The following PIK3C2B variants were observed in gnomAD, a reference collection of about 807,000 sequenced individuals.
PIK3C2B encodes the protein phosphatidylinositol 4-phosphate 3-kinase C2 domain-containing subunit beta.
In PIK3C2B, 83 loss-of-function variants were observed where a neutral mutation model predicts 184.3. That is an observed-to-expected ratio of 0.45 (90% CI 0.38 to 0.54). The LOEUF (loss-of-function observed/expected upper bound fraction) is 0.54, where lower values mean the gene tolerates loss of function less well. PIK3C2B is among the 20% of genes least tolerant of loss of function. The pLI is 0.00. For synonymous variants in PIK3C2B, 779 were observed against 837.6 expected (o/e 0.93, Z 1.21); for missense variants, 1,736 against 2,113.5 (o/e 0.82, Z 3.50).
At chr1:204,475,807 C>A (rs1656662337) in intron 1 of PIK3C2B, among the ~76,000 whole-genome samples, 1 of 152,178 alleles carries the variant, frequency 6.6e-6, no homozygotes, top group South Asian at 2.1e-4. Flanking sequence ...GAAAGGCGAG[C>A]TACCCCTCTC....
chr1:204,444,375 G>A lies in PIK3C2B; in HGVS notation c.2728C>T (p.Leu910Phe), dbSNP rs1382575257. Residue 910 changes from leucine (L) to phenylalanine (F), a missense_variant, in exon 17 of 33, where the codon CTC (leucine) becomes TTC (phenylalanine). Coordinates refer to ENST00000684373, the MANE Select transcript of PIK3C2B (RefSeq NM_001377334.1). The stretch of plus-strand genomic sequence containing the variant: ...TAGTCTAGCAGCTCAGCATCTGAGA[G>A]TGAGCCAATCCACTGCACAGCCATA... ...RRMAVQWIGSLSDAELLDYLP... is the reference protein window; with the variant it reads ...RRMAVQWIGSFSDAELLDYLP... 5 of 1,614,090 alleles carry A rather than the reference G, an allele frequency of 3.1e-6. No individual in the cohort carries two copies. The highest frequency in any genetic ancestry group is 1.1e-5 in the South Asian group (1 of 91,084).
intron 1 of PIK3C2B, among the ~76,000 whole-genome samples, chr1:204,471,868 A>T (rs1482677681): frequency 6.6e-6 from 1 of 152,218 alleles, no homozygotes; most frequent in Non-Finnish European, 1.5e-5. Flanking sequence ...TTGCACTAGG[A>T]TCCTCCCAAA....
chr1:204,485,366 A>C (rs911314397), intron 1 of PIK3C2B, among the ~76,000 whole-genome samples: 1 of 152,130 alleles, frequency 6.6e-6, no homozygotes, highest in Non-Finnish European at 1.5e-5. Flanking sequence ...AAAATTTGTT[A>C]TTCCTTTCTT....
At chr1:204,428,258 G>C (rs1357109140) in intron 29 of PIK3C2B, 38 bp from the exon 30 acceptor site, 1 of 1,259,596 alleles carries the variant, frequency 7.9e-7, no homozygotes, top group Admixed American at 1.7e-5. Context: ...TCTTCAATAA[G>C]ACAATGGCCC....
At chr1:204,455,170 G>A (rs958031902) in intron 11 of PIK3C2B, among the ~76,000 whole-genome samples, 6 of 152,364 alleles carry the variant, frequency 3.9e-5, no homozygotes, top group African/African-American at 9.6e-5. Flanking sequence ...GACATATGCC[G>A]ACATGAATGC....
chr1:204,439,161 A>G lies in PIK3C2B; in HGVS notation c.3380-90T>C, dbSNP rs148321986. On this transcript the variant is annotated intron_variant, in intron 22 of 32. Transcript: ENST00000684373. Reference sequence around the variant, plus strand: ...ACAAGGACTGTGCTCATGCTTCCCTATAAATTAAGCTGTAAGGCATTTGGA... The same window carrying G: ...ACAAGGACTGTGCTCATGCTTCCCTGTAAATTAAGCTGTAAGGCATTTGGA... 2,255 of 1,342,214 alleles carry G rather than the reference A, an allele frequency of 1.7e-3. 15 individuals are homozygous for G. Among genetic ancestry groups the G allele is most frequent in the South Asian group, 0.014 (1,081 of 77,046 alleles). 83.1% of individuals were successfully genotyped at this position (1,342,214 alleles called of 1,614,324 possible).
rs1349502822 is a variant in PIK3C2B, at chr1:204,443,596, A to G, written c.2869T>C (p.Leu957=). Residue 957 remains leucine, a splice_region_variant and synonymous_variant, in exon 19 of 33, where the codon TTA becomes CTA. Transcript: ENST00000684373. ...GAGTCCTTGAGGCCGTCCTTCAGTA[A>G]CCTGCAAGGCAGAGGGAGTCAGGAG... ...DLRVTHYFFW[L]LKDGLKDSQF... is the part of the protein sequence containing the mutation. 1.2e-6 allele frequency: 2 copies of G among 1,614,002 alleles called. No homozygotes were observed. The highest frequency in any genetic ancestry group is 2.2e-5 in the South Asian group (2 of 91,084).
rs138231619 is a variant in PIK3C2B at position 204,469,108 on chromosome 1, T to C, written c.695A>G (p.Asn232Ser). The C allele has an allele frequency of 7.6e-4, 1,221 of 1,609,652 alleles. 1 individual carries two copies. The highest frequency in any genetic ancestry group is 9.7e-4 in the Non-Finnish European group (1,144 of 1,175,988). Residue 232 changes from asparagine to serine, a missense_variant, in exon 2 of 33, where the codon AAT (asparagine) becomes AGT (serine). This residue lies in a region of PIK3C2B where 404 missense variants were observed against 418.0 expected (regional missense o/e 0.97). Transcript: ENST00000684373. ...LLGSVDYDGINDAITRLNLKS... is the reference protein window; with the variant it reads ...LLGSVDYDGISDAITRLNLKS... ...CAAGTTGAGCCTAGTAATTGCATCA[T>C]TGATACCATCATAGTCCACAGACCC...
At chr1:204,457,112 G>A in intron 9 of PIK3C2B, 42 bp from the exon 10 acceptor site, 3 of 1,537,970 alleles carry the variant, frequency 2.0e-6, no homozygotes, top group Non-Finnish European at 2.6e-6. Flanking sequence ...CAGGGCCATA[G>A]CCTTTTTCGT....
Position 204,464,452 on chromosome 1 carries a change from T to G in PIK3C2B, c.1187A>C (p.Asn396Thr). ...CCTCTCCCCCCTCACTAACTTACAGTTGCAGGTGAAAGTGAGTGCCTCTTG... is the reference window on the plus strand; with the variant it reads ...CCTCTCCCCCCTCACTAACTTACAGGTGCAGGTGAAAGTGAGTGCCTCTTG... ...RLQEALTFTC[N>T]CSSTVDLLIY... Residue 396 changes from asparagine (N) to threonine (T), a missense_variant and splice_region_variant, in exon 4 of 33, where the codon AAC (asparagine) becomes ACC (threonine). Around this residue, in one of 8 missense-constraint regions of PIK3C2B, gnomAD observed 609 missense variants for 699.2 expected, o/e 0.87. Coordinates refer to ENST00000684373, the MANE Select transcript of PIK3C2B (RefSeq NM_001377334.1). 1.2e-6 allele frequency: 2 copies of G among 1,613,144 alleles called. No individual in the cohort carries two copies. Among genetic ancestry groups the G allele is most frequent in the South Asian group, 2.2e-5 (2 of 90,984 alleles).
Position 204,443,472 on chromosome 1 carries a change from T to C in PIK3C2B, c.2993A>G (p.Asn998Ser), listed in dbSNP as rs1653559336. ...EEFNRQCWLVNALAKLAQQVR... is the reference protein window; with the variant it reads ...EEFNRQCWLVSALAKLAQQVR... ...CTGCTGGGCCAGTTTGGCCAGGGCA[T>C]TGACAAGCCAGCACTGGCGGTTAAA... Residue 998 changes from asparagine (N) to serine (S), a missense_variant, in exon 19 of 33, where the codon AAT (asparagine) becomes AGT (serine). Transcript: ENST00000684373. The C allele has an allele frequency of 6.2e-7, 1 of 1,614,236 alleles. No individual in the cohort carries two copies. The highest frequency in any genetic ancestry group is 8.5e-7 in the Non-Finnish European group (1 of 1,180,046).
chr1:204,430,479 G>A (rs1283340786), intron 28 of PIK3C2B, among the ~76,000 whole-genome samples: 1 of 151,656 alleles, frequency 6.6e-6, no homozygotes, highest in Non-Finnish European at 1.5e-5. Flanking sequence ...CCCAGTAGCT[G>A]GGATTACAGG....
At chr1:204,487,262 T>C (rs1031417775) in intron 1 of PIK3C2B, among the ~76,000 whole-genome samples, 2 of 152,246 alleles carry the variant, frequency 1.3e-5, no homozygotes, top group African/African-American at 2.4e-5. Flanking sequence ...CACACCACCA[T>C]GTCTGGCTAA....
chr1:204,465,338 C>G lies in PIK3C2B; in HGVS notation c.934-19G>C. ...AGCCCACCTTTAAGAGAAGAGCAGA[C>G]GACTCAGTGCCTTTTTCCTCGTGGT... On this transcript the variant is annotated intron_variant, in intron 2 of 32. Coordinates refer to ENST00000684373, the MANE Select transcript of PIK3C2B (RefSeq NM_001377334.1). 6.6e-7 allele frequency: 1 copy of G among 1,512,586 alleles called. No individual in the cohort carries two copies. The highest frequency in any genetic ancestry group is 9.2e-7 in the Non-Finnish European group (1 of 1,087,712). 93.7% of individuals were successfully genotyped at this position (1,512,586 alleles called of 1,614,324 possible).
intron 1 of PIK3C2B, among the ~76,000 whole-genome samples, chr1:204,472,861 A>T (rs1249432913): frequency 6.6e-6 from 1 of 152,162 alleles, no homozygotes. Context: ...GGTATTTTTT[A>T]AAAACTCCCC....
At chr1:204,463,819 C>T (rs567506245) in intron 5 of PIK3C2B, among the ~76,000 whole-genome samples, 193 bp downstream of exon 5, 5 of 152,066 alleles carry the variant, frequency 3.3e-5, no homozygotes, top group East Asian at 1.9e-4. Context: ...TGGCTCAGGA[C>T]GTCAGCCAAC....
intron 8 of PIK3C2B, among the ~76,000 whole-genome samples, chr1:204,458,519 A>T (rs1445309533): frequency 6.8e-6 from 1 of 146,396 alleles, no homozygotes. Flanking sequence ...TTTGAGACGG[A>T]GTCTTGCTCT....
chr1:204,435,686 G>A (rs1316115025), intron 23 of PIK3C2B: 2 of 152,036 alleles, frequency 1.3e-5, no homozygotes, highest in Non-Finnish European at 2.9e-5. Context: ...AGTCCCATGG[G>A]GTTTACAGAT....
intron 1 of PIK3C2B, among the ~76,000 whole-genome samples, chr1:204,486,320 G>A (rs539772452): frequency 4.6e-5 from 7 of 151,612 alleles, no homozygotes; most frequent in South Asian, 4.2e-4. Flanking sequence ...ACTTGAACCC[G>A]GGAGGTGGAG....
Sources: gnomAD v4.1 joint callset for allele counts (sites outside exome capture counted in the v4.1 genomes callset) on GRCh38, gnomAD v4.1.1 for gene constraint, gnomAD v4.1.1 regional missense constraint, MANE v1.5 for transcripts, NCBI Gene and HGNC (gene_info 2026-07-23, HGNC 2026-07-21) for gene names.